The following TRPC4 variants were observed in gnomAD, a reference collection of about 807,000 sequenced individuals.
The protein encoded by TRPC4 is transient receptor potential cation channel subfamily C member 4.
Under a neutral mutation model 99.4 loss-of-function variants are expected in TRPC4, and 49 were observed. The observed-to-expected ratio is 0.49, with a 90% CI of 0.39 to 0.63. The LOEUF (loss-of-function observed/expected upper bound fraction) is 0.63. Ranked by LOEUF, TRPC4 falls within the 20% of genes least tolerant of loss-of-function variation. The pLI, the probability that TRPC4 is intolerant of heterozygous loss-of-function variation, is 0.00. For synonymous variants in TRPC4, 454 were observed against 425.9 expected, an observed-to-expected ratio of 1.07 and a Z score of -0.81; for missense variants, 898 against 1,152.9, an observed-to-expected ratio of 0.78 and a Z score of 3.20.
chr13:37,710,339 G>A (rs1954439299), intron 3 of TRPC4, among the ~76,000 whole-genome samples: 1 of 151,896 alleles, frequency 6.6e-6, no homozygotes, highest in Admixed American at 6.6e-5. Context: ...AATACACAGA[G>A]TTTGAAGGAT....
chr13:37,770,961 T>C (rs1433530781), intron 2 of TRPC4, among the ~76,000 whole-genome samples: 1 of 151,642 alleles, frequency 6.6e-6, no homozygotes, highest in Non-Finnish European at 1.5e-5. Context: ...TCTTCTTTTA[T>C]TGATGTTGAA....
chr13:37,638,285 A>G (rs987201762), intron 10 of TRPC4, among the ~76,000 whole-genome samples: 1 of 152,072 alleles, frequency 6.6e-6, no homozygotes, highest in African/African-American at 2.4e-5. Context: ...ATTTAATATT[A>G]CAATTTGAAC....
Position 37,699,311 on chromosome 13 carries a change from C to T in TRPC4, c.898-6976G>A, listed in dbSNP as rs548673966. Among the ~76,000 whole-genome samples the T allele has an allele frequency of 2.6e-5, 4 of 152,002 alleles. No homozygotes were observed. In the East Asian group the frequency reaches 5.8e-4, roughly 22 times the overall value. ...ACACACAAGGATATATGTATATACA[C>T]GTATGTGCATATACATATACAATCA... On this transcript the variant is annotated intron_variant, in intron 3 of 10. Transcript: ENST00000379705.
At chr13:37,761,129 G>A (rs1259101751) in intron 2 of TRPC4, among the ~76,000 whole-genome samples, 1 of 151,942 alleles carries the variant, frequency 6.6e-6, no homozygotes, top group Non-Finnish European at 1.5e-5. Context: ...GATGTTGTAA[G>A]TGCAAATATA....
At chr13:37,849,568 C>G (rs374411299) in intron 1 of TRPC4, among the ~76,000 whole-genome samples, 12 of 152,298 alleles carry the variant, frequency 7.9e-5, no homozygotes, top group African/African-American at 2.9e-4. Flanking sequence ...AGAATTTTAT[C>G]TAAATCCACG....
chr13:37,729,550 G>A (rs1024403538), intron 3 of TRPC4, among the ~76,000 whole-genome samples: 2 of 152,080 alleles, frequency 1.3e-5, no homozygotes, highest in African/African-American at 4.8e-5. Context: ...ATAGCAGTAC[G>A]ATCACCATAG....
At chr13:37,691,281 T>A (rs564929119) in intron 4 of TRPC4, among the ~76,000 whole-genome samples, 1 of 152,160 alleles carries the variant, frequency 6.6e-6, no homozygotes, top group Non-Finnish European at 1.5e-5. Context: ...TCTTTTTGAA[T>A]TTTTAGTAGA....
intron 1 of TRPC4, among the ~76,000 whole-genome samples, chr13:37,799,214 G>A (rs917092865): frequency 3.9e-5 from 6 of 152,204 alleles, no homozygotes; most frequent in Admixed American, 2.0e-4. Flanking sequence ...GATTACAGGC[G>A]TGAGCCACTG....
At chr13:37,732,046 A>C (rs2139087775) in intron 3 of TRPC4, among the ~76,000 whole-genome samples, 1 of 152,264 alleles carries the variant, frequency 6.6e-6, no homozygotes, top group African/African-American at 2.4e-5. Flanking sequence ...AAAACAATGT[A>C]GCATTAATTC....
At chr13:37,837,992 T>A (rs1958613910) in intron 1 of TRPC4, among the ~76,000 whole-genome samples, 1 of 152,144 alleles carries the variant, frequency 6.6e-6, no homozygotes, top group Non-Finnish European at 1.5e-5. Context: ...TTTCCCTGAG[T>A]GAATTCTCTC....
At chr13:37,752,987 C>T (rs1016079697) in intron 2 of TRPC4, among the ~76,000 whole-genome samples, 16 of 151,526 alleles carry the variant, frequency 1.1e-4, no homozygotes, top group African/African-American at 3.6e-4. Flanking sequence ...CACACACACA[C>T]ACACGCACAC....
chr13:37,649,607 G>A (rs930386917), intron 8 of TRPC4, among the ~76,000 whole-genome samples: 6 of 151,614 alleles, frequency 4.0e-5, no homozygotes, highest in East Asian at 1.9e-4. Flanking sequence ...GGTGGCAGGC[G>A]CCTGTAGTCC....
At chr13:37,732,837 G>A (rs1322110872) in intron 3 of TRPC4, among the ~76,000 whole-genome samples, 2 of 152,092 alleles carry the variant, frequency 1.3e-5, no homozygotes, top group African/African-American at 2.4e-5. Flanking sequence ...ATGGAGAAAC[G>A]TGCCATGCTC....
chr13:37,827,290 A>G (rs1244694519), intron 1 of TRPC4, among the ~76,000 whole-genome samples: 1 of 152,114 alleles, frequency 6.6e-6, no homozygotes, highest in Non-Finnish European at 1.5e-5. Context: ...GTCATTCTCC[A>G]TCCAGCTTTG....
At chr13:37,804,384 G>C (rs1303661145) in intron 1 of TRPC4, among the ~76,000 whole-genome samples, 2 of 152,026 alleles carry the variant, frequency 1.3e-5, no homozygotes, top group Non-Finnish European at 2.9e-5. Context: ...AGGCAATCTG[G>C]CGCCAGACTC....
At chr13:37,782,031 G>T (rs968585888) in intron 2 of TRPC4, among the ~76,000 whole-genome samples, 1 of 152,102 alleles carries the variant, frequency 6.6e-6, no homozygotes, top group Non-Finnish European at 1.5e-5. Flanking sequence ...CATTTTATAA[G>T]ATTTTACTTT....
chr13:37,711,401 G>A (rs1404780740), intron 3 of TRPC4, among the ~76,000 whole-genome samples: 1 of 151,938 alleles, frequency 6.6e-6, no homozygotes, highest in Non-Finnish European at 1.5e-5. Context: ...GTGACAATTA[G>A]ATCTTAACTG....
chr13:37,819,803 T>A (rs1957962822), intron 1 of TRPC4, among the ~76,000 whole-genome samples: 3 of 150,716 alleles, frequency 2.0e-5, no homozygotes, highest in Admixed American at 1.3e-4. Context: ...AACCTGCACA[T>A]GTACCTCTGA....
intron 5 of TRPC4, among the ~76,000 whole-genome samples, chr13:37,666,869 TG>T (rs1437751295): frequency 6.6e-6 from 1 of 152,190 alleles, no homozygotes; most frequent in African/African-American, 2.4e-5. Context: ...CAATTCTCCC[TG>T]GGTGTTTTCC....
Sources: gnomAD v4.1 joint callset for allele counts (sites outside exome capture counted in the v4.1 genomes callset) on GRCh38, gnomAD v4.1.1 for gene constraint, MANE v1.5 for transcripts, NCBI Gene and HGNC (gene_info 2026-07-23, HGNC 2026-07-21) for gene names.